The following SCAP variants were observed in gnomAD, a reference collection of about 807,000 sequenced individuals.
The protein encoded by SCAP is SREBF chaperone.
In SCAP, 65 loss-of-function variants were observed where a neutral mutation model predicts 123.6. The observed-to-expected ratio is 0.53, with a 90% CI of 0.43 to 0.65. SCAP has a LOEUF of 0.65. Ranked by LOEUF, SCAP falls within the 30% of genes least tolerant of loss-of-function variation. The probability of loss-of-function intolerance (pLI) is 0.00; values close to 1 mark genes in which losing one functional copy is unlikely to be tolerated. For missense variants in SCAP, 1,398 were observed against 1,712.5 expected, an observed-to-expected ratio of 0.82 and a Z score of 3.24; for synonymous variants, 740 against 726.3, an observed-to-expected ratio of 1.02 and a Z score of -0.30.
At chr3:47,432,299 G>A (rs1706392084) in intron 3 of SCAP, among the ~76,000 whole-genome samples, 1 of 99,394 alleles carries the variant, frequency 1.0e-5, no homozygotes. Flanking sequence ...CCTAGCGAAA[G>A]CAAGACTCCG....
chr3:47,468,803 G>A (rs1707927495), intron 1 of SCAP, among the ~76,000 whole-genome samples: 1 of 152,128 alleles, frequency 6.6e-6, no homozygotes, highest in Non-Finnish European at 1.5e-5. Context: ...CCATGCCTAT[G>A]GCCTGAATGG....
intron 6 of SCAP, 146 bp downstream of exon 6, chr3:47,427,011 G>A (rs1706162247): frequency 1.5e-6 from 1 of 668,944 alleles, no homozygotes; most frequent in African/African-American, 1.8e-5. Flanking sequence ...CATCTAGTCT[G>A]AGGGATGTAA....
At position 47,425,529 on chromosome 3, in the gene SCAP, C is replaced by A. The variant is rs1428446726; in HGVS notation, c.993G>T (p.Val331=). The change falls in exon 8 of 23, where the codon GTG becomes GTT. Residue 331 remains valine, a synonymous_variant. Transcript: ENST00000265565. ...TCAGGCCGAAGAGTGTGCAGAGTCC[C>A]ACAGACATGAGCAGCGAGCTGAGCA... ...VTVLSSLLMS[V]GLCTLFGLTP... 25 of 1,613,948 alleles carry A rather than the reference C, an allele frequency of 1.5e-5. No homozygotes were observed. The highest frequency in any genetic ancestry group is 2.0e-5 in the Non-Finnish European group (24 of 1,180,060).
Position 47,417,380 on chromosome 3 carries a change from C to T in SCAP, c.2894G>A (p.Ser965Asn). 6.2e-7 allele frequency: 1 copy of T among 1,605,160 alleles called. No homozygotes were observed. Among genetic ancestry groups the T allele is most frequent in the Non-Finnish European group, 8.5e-7 (1 of 1,176,658 alleles). ...KGSPSLAWAP[S>N]AEGSIWSLEL... Reference sequence around the variant, plus strand: ...CAAGCTCCAGATGGAACCCTCGGCACTGGGGGCCCAGGCGAGGGAAGGGGA... The same window carrying T: ...CAAGCTCCAGATGGAACCCTCGGCATTGGGGGCCCAGGCGAGGGAAGGGGA... The change falls in exon 17 of 23, where the codon AGT becomes AAT. Residue 965 changes from serine (S) to asparagine (N), a missense_variant. This residue lies in a region of SCAP where 828 missense variants were observed against 882.5 expected (regional missense o/e 0.94). Transcript: ENST00000265565.
At chr3:47,457,732 C>A (rs1707481531) in intron 1 of SCAP, among the ~76,000 whole-genome samples, 1 of 151,234 alleles carries the variant, frequency 6.6e-6, no homozygotes, top group African/African-American at 2.4e-5. Context: ...ATAGTGAAAC[C>A]CCGTCTCTAC....
chr3:47,444,172 G>A (rs1358467727), intron 1 of SCAP, among the ~76,000 whole-genome samples: 12 of 152,186 alleles, frequency 7.9e-5, no homozygotes, highest in Admixed American at 7.9e-4. Flanking sequence ...CAGGGATCTA[G>A]AATTATCTTC....
Position 47,418,530 on chromosome 3 carries a change from GGAGGGCGGACTGCTGT to G in SCAP, c.2130-24_2130-9del. 6.3e-7 allele frequency: 1 copy of G among 1,582,574 alleles called. No individual in the cohort carries two copies. Among genetic ancestry groups the G allele is most frequent in the Non-Finnish European group, 8.6e-7 (1 of 1,165,088 alleles). On this transcript the variant is annotated splice_polypyrimidine_tract_variant and intron_variant, in intron 14 of 22. Transcript: ENST00000265565. Reference sequence around the variant, plus strand: ...AGGCCCAGCGCCGCCACCCTGCACGGGAGGGCGGACTGCTGTGAGACACACCTCACAGCCTGTCCCC... The same window carrying G: ...AGGCCCAGCGCCGCCACCCTGCACGGGAGACACACCTCACAGCCTGTCCCC...
In SCAP at chr3:47,473,094, A is replaced by AAAAC. The variant is rs1404692461; in HGVS notation, c.-99+2704_-99+2705insGTTT. On this transcript the variant is annotated intron_variant, in intron 1 of 22. Coordinates refer to ENST00000265565, the MANE Select transcript of SCAP (RefSeq NM_012235.4). Reference sequence around the variant, plus strand: ...AAACTCCATCTCAAAAAAAAAAAAAAAAAAACAGACTGTGGAAGCAGGTAC... The same window carrying AAAAC: ...AAACTCCATCTCAAAAAAAAAAAAAAAAACAAAAACAGACTGTGGAAGCAGGTAC... Among the ~76,000 whole-genome samples the AAAAC allele has an allele frequency of 4.2e-3, 620 of 147,228 alleles. 41 individuals are homozygous for AAAAC. The highest frequency in any genetic ancestry group is 7.3e-3 in the Non-Finnish European group (485 of 66,678).
In SCAP at chr3:47,423,957, C is replaced by T; in HGVS notation, c.1126G>A (p.Glu376Lys). 1 of 1,614,072 alleles carries T rather than the reference C, an allele frequency of 6.2e-7. No individual in the cohort carries two copies. Among genetic ancestry groups the T allele is most frequent in the Non-Finnish European group, 8.5e-7 (1 of 1,179,918 alleles). The change falls in exon 9 of 23, where the codon GAG becomes AAG. Residue 376 changes from glutamate to lysine, a missense_variant. Glu to Lys is a moderately conservative substitution (Grantham distance 56, BLOSUM62 1). This residue lies in a region of SCAP where 66 missense variants were observed against 116.3 expected (regional missense o/e 0.57). Transcript: ENST00000265565. ...CCTTGGGCGATCCGCAGCTTCACCT[C>T]CAGGTCTACCGGGGTTGAGACCACA... ...KSVVSTPVDL[E>K]VKLRIAQGLS...
At chr3:47,440,906 C>A (rs1355838726) in intron 2 of SCAP, among the ~76,000 whole-genome samples, 2 of 151,652 alleles carry the variant, frequency 1.3e-5, no homozygotes, top group African/African-American at 2.4e-5. Flanking sequence ...GTCTTTCCTC[C>A]TCTTTTTTTT....
intron 2 of SCAP, among the ~76,000 whole-genome samples, chr3:47,441,580 A>G (rs974661023): frequency 4.6e-5 from 7 of 152,210 alleles, no homozygotes; most frequent in South Asian, 2.1e-4. Flanking sequence ...GGACACAGCT[A>G]TAAGTATTTT....
chr3:47,449,311 C>CCT (rs959887452), intron 1 of SCAP, among the ~76,000 whole-genome samples: 1 of 123,706 alleles, frequency 8.1e-6, no homozygotes, highest in African/African-American at 2.8e-5. Context: ...CCCAAGGGCC[C>CCT]CTTTCCTGGT....
intron 1 of SCAP, among the ~76,000 whole-genome samples, chr3:47,450,817 T>C (rs1184795422): frequency 2.5e-5 from 3 of 122,230 alleles, no homozygotes; most frequent in African/African-American, 8.4e-5. Context: ...AACTCAAATC[T>C]CAGTATCTTT....
Position 47,428,686 on chromosome 3 carries a change from G to A in SCAP, c.253-16C>T, listed in dbSNP as rs2107831551. On this transcript the variant is annotated splice_polypyrimidine_tract_variant and intron_variant, in intron 3 of 22. Transcript: ENST00000265565. ...CACCCACATACTGCAGAAGAAATGA[G>A]GGAGGGCAGAAAGGGCAGCTGAGCA... 2.5e-6 allele frequency: 4 copies of A among 1,612,722 alleles called. No individual in the cohort carries two copies. The highest frequency in any genetic ancestry group is 2.2e-5 in the East Asian group (1 of 44,876).
At chr3:47,424,529 C>T (rs1287497613) in intron 8 of SCAP, among the ~76,000 whole-genome samples, 1 of 152,258 alleles carries the variant, frequency 6.6e-6, no homozygotes, top group Non-Finnish European at 1.5e-5. Context: ...ACTGTTCCTA[C>T]ACAAAGCTCT....
Position 47,427,564 on chromosome 3 carries a change from G to A in SCAP, c.514C>T (p.Leu172=), listed in dbSNP as rs1487652560. 3.7e-6 allele frequency: 6 copies of A among 1,614,210 alleles called. No individual in the cohort carries two copies. Among genetic ancestry groups the A allele is most frequent in the Admixed American group, 1.7e-5 (1 of 60,022 alleles). ...TTCTGCCAGAAGTTCCCAGGGGACA[G>A]CAGCAGGCATCCATGCTCAGGGAGT... The part of the protein sequence containing the change: ...NLLPEHGCLL[L]SPGNFWQNDW... Residue 172 remains leucine (L), a synonymous_variant, in exon 5 of 23, where the codon CTG becomes TTG. Coordinates refer to ENST00000265565, the MANE Select transcript of SCAP (RefSeq NM_012235.4).
In SCAP at chr3:47,463,969, C is replaced by T. The variant is rs569308130; in HGVS notation, c.-99+11830G>A. Among the ~76,000 whole-genome samples the T allele has an allele frequency of 1.1e-4, 17 of 152,144 alleles. 1 individual carries two copies. The South Asian group carries it at 3.3e-3, about 30-fold the overall frequency. On this transcript the variant is annotated intron_variant, in intron 1 of 22. Coordinates refer to ENST00000265565, the MANE Select transcript of SCAP (RefSeq NM_012235.4). ...ATCTCAGCCTCTCACACTGCTGGGA[C>T]TACAGGCATGAGCCACCACATCTGG...
intron 2 of SCAP, among the ~76,000 whole-genome samples, chr3:47,438,534 C>T (rs534097091): frequency 4.4e-4 from 67 of 152,302 alleles, no homozygotes; most frequent in African/African-American, 1.5e-3. Context: ...TTAATTTAGG[C>T]TGGGCACGGT....
chr3:47,426,265 C>T, intron 6 of SCAP, 96 bp from the exon 7 acceptor site: 1 of 1,247,858 alleles, frequency 8.0e-7, no homozygotes. Flanking sequence ...GGACCTCCCT[C>T]CTGCCCCTGT....
Sources: allele counts gnomAD v4.1 joint callset (sites outside exome capture counted in the v4.1 genomes callset), GRCh38; gene constraint gnomAD v4.1.1; regional missense constraint gnomAD v4.1.1; transcripts MANE v1.5; gene names NCBI Gene and HGNC (gene_info 2026-07-23, HGNC 2026-07-21).